The following SHBG variants were observed in gnomAD, a reference collection of about 807,000 sequenced individuals.
The protein encoded by SHBG is sex hormone binding globulin, also known as sex hormone-binding globulin.
A neutral mutation model predicts 41.9 loss-of-function variants in SHBG; 37 were observed. The ratio of observed to expected loss-of-function variants is 0.88; its 90% CI spans 0.68 to 1.16. The LOEUF (loss-of-function observed/expected upper bound fraction) is 1.16. SHBG is among the 50% of genes most tolerant of loss of function. SHBG has a pLI of 0.00. For synonymous variants in SHBG, 217 were observed against 205.8 expected, an observed-to-expected ratio of 1.05 and a Z score of -0.47; for missense variants, 466 against 499.9, an observed-to-expected ratio of 0.93 and a Z score of 0.65.
At position 7,632,907 on chromosome 17, in the gene SHBG, C is replaced by T. The variant is rs763649598; in HGVS notation, c.1008C>T (p.Leu336=). Residue 336 remains leucine, a synonymous_variant, in exon 7 of 8, where the codon CTC becomes CTT. Coordinates refer to ENST00000380450, the MANE Select transcript of SHBG (RefSeq NM_001040.5). ...LALPPLGLAP[L]LNLWAKPQGR... is the part of the protein sequence containing the mutation. ...TGCCTCCCTTAGGCCTGGCTCCCCT[C>T]CTTAACCTCTGGGCCAAGCCTCAAG... is the stretch of plus-strand genomic sequence containing the variant. 6.2e-6 allele frequency: 10 copies of T among 1,614,154 alleles called. No homozygotes were observed. Among genetic ancestry groups the T allele is most frequent in the Non-Finnish European group, 8.5e-6 (10 of 1,180,034 alleles).
upstream of SHBG, chr17:7,627,129 C>T: frequency 6.8e-6 from 11 of 1,613,912 alleles, no homozygotes; most frequent in Non-Finnish European, 8.5e-6. This position sits in a 1 kb window ranked among gnomAD's most constrained non-coding sequence, Gnocchi z 4.8. Context: ...CTTCTAAGGG[C>T]CAGGTGCTCT....
At chr17:7,621,783 CAA>C (rs1474603968) in intron 1 of SHBG, among the ~76,000 whole-genome samples, 1 of 151,172 alleles carries the variant, frequency 6.6e-6, no homozygotes, top group Non-Finnish European at 1.5e-5. Context: ...TGGCAATTTT[CAA>C]AGAGTGAGAA....
chr17:7,632,774 C>T lies in SHBG; in HGVS notation c.875C>T (p.Ser292Leu), dbSNP rs374511039. 3.1e-6 allele frequency: 5 copies of T among 1,613,616 alleles called. No individual in the cohort carries two copies. Among genetic ancestry groups the T allele is most frequent in the Non-Finnish European group, 3.4e-6 (4 of 1,179,890 alleles). Residue 292 changes from serine (S) to leucine (L), a missense_variant, in exon 7 of 8, where the codon TCG (serine) becomes TTG (leucine). Ser to Leu is a moderately radical substitution (Grantham distance 145, BLOSUM62 -2). Coordinates refer to ENST00000380450, the MANE Select transcript of SHBG (RefSeq NM_001040.5). ...CAGAAGGTGGTGTTGTCTTCTGGGTCGGGGCCAGGGCTGGATCTGCCCCTG... is the reference window on the plus strand; with the variant it reads ...CAGAAGGTGGTGTTGTCTTCTGGGTTGGGGCCAGGGCTGGATCTGCCCCTG... ...QDQKVVLSSG[S>L]GPGLDLPLVL...
chr17:7,631,348 A>C lies in SHBG; in HGVS notation c.542A>C (p.Asn181Thr). The C allele has an allele frequency of 6.2e-7, 1 of 1,613,184 alleles. No homozygotes were observed. The highest frequency in any genetic ancestry group is 8.5e-7 in the Non-Finnish European group (1 of 1,179,728). The change falls in exon 4 of 8, where the codon AAC becomes ACC. Residue 181 changes from asparagine (N) to threonine (T), a missense_variant. Coordinates refer to ENST00000380450, the MANE Select transcript of SHBG (RefSeq NM_001040.5). ...ALGGLLFPASNLRLPLVPALD... is the reference protein window; with the variant it reads ...ALGGLLFPASTLRLPLVPALD... ...GGGGGGCTGCTCTTCCCCGCTTCCA[A>C]CCTTCGGTTGCCGGTAACTACACCC...
intron 1 of SHBG, among the ~76,000 whole-genome samples, chr17:7,614,279 G>A (rs1432691642): frequency 6.6e-6 from 1 of 152,124 alleles, no homozygotes; most frequent in East Asian, 1.9e-4. Flanking sequence ...AAAAATAAGA[G>A]GAACAGGGTT....
At chr17:7,632,704 C>G in intron 6 of SHBG, 48 bp from the exon 7 acceptor site, 1 of 1,469,914 alleles carries the variant, frequency 6.8e-7, no homozygotes, top group Non-Finnish European at 9.5e-7. Context: ...GTAGGCCCGG[C>G]TCATTCTTCC....
Position 7,630,424 on chromosome 17 carries a change from C to T in SHBG, c.120C>T (p.His40=), listed in dbSNP as rs9282846. The T allele has an allele frequency of 6.6e-3, 10,725 of 1,613,894 alleles. 48 individuals are homozygous for T. The highest frequency in any genetic ancestry group is 8.1e-3 in the Non-Finnish European group (9,586 of 1,179,812). The part of the protein sequence containing the change: ...LRPVLPTQSA[H]DPPAVHLSNG... The stretch of plus-strand genomic sequence containing the variant: ...TTTTCTCTTTCTGATAGAGTGCCCA[C>T]GACCCTCCGGCTGTCCACCTCAGCA... Residue 40 remains histidine, a synonymous_variant, in exon 2 of 8, where the codon CAC becomes CAT. Coordinates refer to ENST00000380450, the MANE Select transcript of SHBG (RefSeq NM_001040.5). This position sits in a 1 kb window ranked among gnomAD's most constrained non-coding sequence, Gnocchi z 4.6.
intron 1 of SHBG, among the ~76,000 whole-genome samples, chr17:7,621,062 C>G (rs1395682868): frequency 7.7e-6 from 1 of 129,358 alleles, no homozygotes; most frequent in African/African-American, 3.0e-5. Flanking sequence ...CACCACTGCA[C>G]TTGGCCTGGG....
At chr17:7,633,025 T>A (rs1218683497) in intron 7 of SHBG, 66 bp downstream of exon 7, 16 of 1,494,682 alleles carry the variant, frequency 1.1e-5, no homozygotes, top group Non-Finnish European at 1.1e-5. Context: ...AGGCGGCACA[T>A]TTTGAGGGGA....
At chr17:7,615,030 C>A (rs567251925) in intron 1 of SHBG, among the ~76,000 whole-genome samples, 131 of 152,326 alleles carry the variant, frequency 8.6e-4, no homozygotes, top group Non-Finnish European at 1.6e-3. Flanking sequence ...TCTCACTCCC[C>A]CTCCTGGTCG....
upstream of SHBG, among the ~76,000 whole-genome samples, chr17:7,624,711 G>A (rs1246079264): frequency 1.3e-5 from 2 of 151,904 alleles, no homozygotes; most frequent in African/African-American, 4.8e-5. Flanking sequence ...GAGTCCAGTG[G>A]CATGATCTCG....
chr17:7,618,587 A>G (rs995240210), intron 1 of SHBG, among the ~76,000 whole-genome samples: 1 of 152,142 alleles, frequency 6.6e-6, no homozygotes, highest in Non-Finnish European at 1.5e-5. Flanking sequence ...GATTATAGGC[A>G]TGAGCCACTG....
Position 7,633,244 on chromosome 17 carries a change from G to C in SHBG, c.1101G>C (p.Trp367Cys). Residue 367 changes from tryptophan to cysteine, a missense_variant, in exon 8 of 8, where the codon TGG becomes TGC. Trp to Cys is a radical substitution (Grantham distance 215). Coordinates refer to ENST00000380450, the MANE Select transcript of SHBG (RefSeq NM_001040.5). ...CCTCTTTTTGCCTGAATGGCCTTTG[G>C]GCACAAGGTCAGAGGCTGGATGTGG... The part of the protein sequence containing the change: ...SSTSFCLNGL[W>C]AQGQRLDVDQ... 6.2e-7 allele frequency: 1 copy of C among 1,614,088 alleles called. No homozygotes were observed. Among genetic ancestry groups the C allele is most frequent in the East Asian group, 2.2e-5 (1 of 44,874 alleles).
rs528701583 is a variant in SHBG, at chr17:7,631,319, G to A, written c.513G>A (p.Ala171=). 40 of 1,613,720 alleles carry A rather than the reference G, an allele frequency of 2.5e-5. No homozygotes were observed. The highest frequency in any genetic ancestry group is 4.0e-5 in the African/African-American group (3 of 74,912). Residue 171 remains alanine (A), a synonymous_variant, in exon 4 of 8, where the codon GCG becomes GCA. Coordinates refer to ENST00000380450, the MANE Select transcript of SHBG (RefSeq NM_001040.5). ...TSKRHPIMRI[A]LGGLLFPASN... is the part of the protein sequence containing the mutation. ...AACGCCATCCCATCATGAGGATTGCGCTTGGGGGGCTGCTCTTCCCCGCTT... is the reference window on the plus strand; with the variant it reads ...AACGCCATCCCATCATGAGGATTGCACTTGGGGGGCTGCTCTTCCCCGCTT...
At chr17:7,626,613 A>T, upstream of SHBG, 1 of 1,612,192 alleles carries the variant, frequency 6.2e-7, no homozygotes, top group Non-Finnish European at 8.5e-7. Flanking sequence ...ATCCAAGGCC[A>T]CCTGTGGGAG....
upstream of SHBG, among the ~76,000 whole-genome samples, chr17:7,624,943 CTTTTT>C (rs907499817): frequency 6.4e-5 from 6 of 93,720 alleles, no homozygotes; most frequent in Non-Finnish European, 1.0e-4. Context: ...CAGGCGTGAG[CTTTTT>C]TTTTTTTTTT....
intron 1 of SHBG, among the ~76,000 whole-genome samples, chr17:7,621,654 G>T (rs1192882608): frequency 1.7e-5 from 2 of 115,526 alleles, no homozygotes; most frequent in South Asian, 2.9e-4. Context: ...TCAAAATAAA[G>T]AAATAAATTA....
chr17:7,630,853 A>G lies in SHBG; in HGVS notation c.377A>G (p.Asp126Gly). 6.2e-7 allele frequency: 1 copy of G among 1,613,190 alleles called. No homozygotes were observed. The highest frequency in any genetic ancestry group is 8.5e-7 in the Non-Finnish European group (1 of 1,179,978). ...LTVGAGPRLD[D>G]GRWHQVEVKM... is the part of the protein sequence containing the mutation. The stretch of plus-strand genomic sequence containing the variant: ...GTGGGTGCTGGACCACGGCTGGATG[A>G]TGGGAGATGGCACCAGGTAAGCTAG... Residue 126 changes from aspartate to glycine, a missense_variant, in exon 3 of 8, where the codon GAT (aspartate) becomes GGT (glycine). Coordinates refer to ENST00000380450, the MANE Select transcript of SHBG (RefSeq NM_001040.5). The surrounding 1 kb of genome is among the most constrained non-coding windows in gnomAD (Gnocchi z 4.6).
chr17:7,632,710 C>T (rs2072458107), intron 6 of SHBG, 42 bp from the exon 7 acceptor site: 1 of 1,505,536 alleles, frequency 6.6e-7, no homozygotes, highest in Admixed American at 1.7e-5. Context: ...CCGGCTCATT[C>T]TTCCCTCTCT....
Sources: allele counts gnomAD v4.1 joint callset (sites outside exome capture counted in the v4.1 genomes callset), GRCh38; gene constraint gnomAD v4.1.1; non-coding constraint Gnocchi (gnomAD v3.1); transcripts MANE v1.5; gene names NCBI Gene and HGNC (gene_info 2026-07-23, HGNC 2026-07-21).